CCDC7: variants seen among roughly 807,000 people sequenced by gnomAD.
CCDC7 encodes coiled-coil domain containing 7.
A neutral mutation model predicts 196.9 loss-of-function variants in CCDC7; 183 were observed. That is an observed-to-expected ratio of 0.93 (90% CI 0.82 to 1.05). The LOEUF (loss-of-function observed/expected upper bound fraction) is 1.05, where lower values mean the gene tolerates loss of function less well. Among genes scored for constraint, CCDC7 ranks in the 50% least tolerant of loss-of-function variants. The pLI is 0.00. For synonymous variants in CCDC7, 525 were observed against 484.6 expected (o/e 1.08, Z -1.10); for missense variants, 1,540 against 1,482.2 (o/e 1.04, Z -0.64).
intron 29 of CCDC7, among the ~76,000 whole-genome samples, chr10:32,783,082 C>T (rs1054989831): frequency 1.3e-5 from 2 of 152,076 alleles, no homozygotes; most frequent in Non-Finnish European, 1.5e-5. Flanking sequence ...CAGGGAAAAG[C>T]CTTCATGACA....
upstream of CCDC7, among the ~76,000 whole-genome samples, chr10:32,444,507 G>A (rs78986389): frequency 7.6e-4 from 115 of 152,248 alleles, 3 homozygotes; most frequent in East Asian, 0.021. Flanking sequence ...CAACTTGACC[G>A]TTAAGATTTT....
intron 28 of CCDC7, among the ~76,000 whole-genome samples, chr10:32,767,270 G>T (rs1399232735): frequency 2.0e-5 from 3 of 151,950 alleles, no homozygotes; most frequent in Non-Finnish European, 2.9e-5. Context: ...CACTGTTCTG[G>T]GGATTGTAAG....
At position 32,492,294 on chromosome 10, in the gene CCDC7, A is replaced by T. The variant is rs79330889; in HGVS notation, c.872+297A>T. On this transcript the variant is annotated intron_variant, in intron 9 of 41. Coordinates refer to ENST00000639629, the Ensembl canonical transcript of CCDC7. ...AAAATAGTATATTGGTTCCTAAAAA[A>T]ATTAAAAACAGAATTACCATATGAT... 1.0e-3 allele frequency among the ~76,000 whole-genome samples: 156 copies of T among 152,260 alleles called. 4 individuals are homozygous for T. In the East Asian group the frequency reaches 0.029, roughly 29 times the overall value.
chr10:32,542,448 T>C (rs531540066), intron 11 of CCDC7, among the ~76,000 whole-genome samples: 2 of 151,764 alleles, frequency 1.3e-5, no homozygotes, highest in Non-Finnish European at 2.9e-5. Flanking sequence ...GCCTGATCAA[T>C]ATGGTGAAAT....
At chr10:32,514,975 C>A (rs536123681) in intron 9 of CCDC7, among the ~76,000 whole-genome samples, 1 of 152,142 alleles carries the variant, frequency 6.6e-6, no homozygotes, top group Admixed American at 6.6e-5. Flanking sequence ...CAGGCATGAA[C>A]CACCATGCCT....
chr10:32,758,084 G>A (rs947855768), intron 28 of CCDC7, among the ~76,000 whole-genome samples: 1 of 152,078 alleles, frequency 6.6e-6, no homozygotes, highest in Non-Finnish European at 1.5e-5. Flanking sequence ...CCAGTAACAG[G>A]CTCTGAAATG....
chr10:32,462,203 T>C (rs1010531727), intron 3 of CCDC7, among the ~76,000 whole-genome samples: 3 of 152,132 alleles, frequency 2.0e-5, no homozygotes, highest in African/African-American at 4.8e-5. Context: ...GGAGGATTGC[T>C]TGTGGCCAGG....
chr10:32,697,444 T>A (rs1253851623), intron 24 of CCDC7, among the ~76,000 whole-genome samples: 6 of 152,172 alleles, frequency 3.9e-5, no homozygotes, highest in Non-Finnish European at 8.8e-5. Context: ...TGACAGATGG[T>A]ACCTGAAAAT....
At chr10:32,878,156 A>G (rs994925873), downstream of CCDC7, among the ~76,000 whole-genome samples, 4 of 152,128 alleles carry the variant, frequency 2.6e-5, no homozygotes, top group African/African-American at 9.7e-5. Flanking sequence ...GGTATGACTC[A>G]TATGTGGCTC....
At chr10:32,457,490 A>G (rs1188202517) in intron 3 of CCDC7, among the ~76,000 whole-genome samples, 2 of 152,202 alleles carry the variant, frequency 1.3e-5, no homozygotes, top group Admixed American at 1.3e-4. Context: ...TGCAATAAAC[A>G]TGGAAGTACA....
At chr10:32,838,263 A>G (rs1403755028) in intron 33 of CCDC7, among the ~76,000 whole-genome samples, 1 of 151,974 alleles carries the variant, frequency 6.6e-6, no homozygotes, top group Non-Finnish European at 1.5e-5. Context: ...CTAAAACTTC[A>G]AAATCAAAGT....
chr10:32,881,308 A>G (rs371458645), downstream of CCDC7, among the ~76,000 whole-genome samples: 2 of 152,276 alleles, frequency 1.3e-5, no homozygotes, highest in South Asian at 4.1e-4. Flanking sequence ...GTTCTTATCT[A>G]TGTCAATGAG....
rs753961839 is a variant in CCDC7, at chr10:32,567,651, G to A, written c.1198-19G>A. ...AATATCAGAAAATGCTTAATAAACTGGTACTTTTTTAAAAACAGGAAGCTG... is the reference window on the plus strand; with the variant it reads ...AATATCAGAAAATGCTTAATAAACTAGTACTTTTTTAAAAACAGGAAGCTG... On this transcript the variant is annotated intron_variant, in intron 14 of 41. Transcript: ENST00000639629. 2 of 1,594,908 alleles carry A rather than the reference G, an allele frequency of 1.3e-6. No individual in the cohort carries two copies. The highest frequency in any genetic ancestry group is 2.3e-5 in the South Asian group (2 of 87,852).
chr10:32,647,657 C>T (rs973900564), intron 20 of CCDC7, among the ~76,000 whole-genome samples: 6 of 152,030 alleles, frequency 3.9e-5, no homozygotes, highest in Non-Finnish European at 8.8e-5. Flanking sequence ...CTGTTCATGT[C>T]TGTTGCCCAT....
intron 11 of CCDC7, among the ~76,000 whole-genome samples, chr10:32,522,687 A>G (rs976862324): frequency 6.6e-6 from 1 of 151,292 alleles, no homozygotes; most frequent in East Asian, 1.9e-4. Context: ...GATCTTTATT[A>G]TTTCTTCTAC....
At chr10:32,528,269 A>T (rs1224558977) in intron 11 of CCDC7, among the ~76,000 whole-genome samples, 1 of 150,744 alleles carries the variant, frequency 6.6e-6, no homozygotes, top group Non-Finnish European at 1.5e-5. Flanking sequence ...TTTTTTTTTT[A>T]AATTGTAATA....
At chr10:32,584,027 A>G (rs936802481) in intron 17 of CCDC7, among the ~76,000 whole-genome samples, 16 of 152,126 alleles carry the variant, frequency 1.1e-4, no homozygotes, top group African/African-American at 3.4e-4. Context: ...AGTGTTCCCA[A>G]TTGCCTCTCA....
chr10:32,680,814 C>T (rs2075755966), intron 21 of CCDC7, among the ~76,000 whole-genome samples: 1 of 152,104 alleles, frequency 6.6e-6, no homozygotes, highest in Non-Finnish European at 1.5e-5. Context: ...TAGCAGAGGT[C>T]CTTGGGTAAT....
intron 20 of CCDC7, among the ~76,000 whole-genome samples, chr10:32,636,701 G>A (rs1416541601): frequency 3.9e-5 from 6 of 152,340 alleles, no homozygotes; most frequent in South Asian, 2.1e-4. Flanking sequence ...GTGTGCATGT[G>A]TCTTTATAGG....
Sources: gnomAD v4.1 joint callset for allele counts (sites outside exome capture counted in the v4.1 genomes callset) on GRCh38, gnomAD v4.1.1 for gene constraint, MANE v1.5 for transcripts, NCBI Gene and HGNC (gene_info 2026-07-23, HGNC 2026-07-21) for gene names.